CDH18: variants seen among roughly 807,000 people sequenced by gnomAD.
CDH18 encodes cadherin 18, also known as cadherin-18.
A neutral mutation model predicts 67.9 loss-of-function variants in CDH18; 31 were observed. The ratio of observed to expected loss-of-function variants is 0.46; its 90% CI spans 0.34 to 0.62. The LOEUF (loss-of-function observed/expected upper bound fraction) is 0.62. CDH18 is among the 20% of genes least tolerant of loss of function. The pLI is 0.01. For missense variants in CDH18, 890 were observed against 975.5 expected (o/e 0.91, Z 1.17); for synonymous variants, 362 against 347.2 (o/e 1.04, Z -0.48).
In CDH18 at chr5:19,670,562, C is replaced by T. The variant is rs181775750; in HGVS notation, c.643+50785G>A. Among the ~76,000 whole-genome samples the T allele has an allele frequency of 6.4e-4, 98 of 152,114 alleles. No homozygotes were observed. In the Middle Eastern group the frequency reaches 0.014, roughly 21 times the overall value. On this transcript the variant is annotated intron_variant, in intron 5 of 12. Coordinates refer to ENST00000382275, the MANE Select transcript of CDH18 (RefSeq NM_004934.5). The stretch of plus-strand genomic sequence containing the variant: ...TGTTTAAGTAGCTGTATAACATGAT[C>T]GATTTATATTAAAAAGCTCATTCTA...
chr5:19,584,193 A>C (rs1743723890), intron 7 of CDH18, among the ~76,000 whole-genome samples: 1 of 152,144 alleles, frequency 6.6e-6, no homozygotes, highest in African/African-American at 2.4e-5. Context: ...CTTTCCACCC[A>C]GCCAGGCTTC....
chr5:20,306,262 C>G (rs571199721), intron 1 of CDH18, among the ~76,000 whole-genome samples: 15 of 152,140 alleles, frequency 9.9e-5, no homozygotes, highest in African/African-American at 3.1e-4. Flanking sequence ...TTATGTTCAT[C>G]TTCTATGAGA....
chr5:19,485,641 G>C (rs534051656), intron 11 of CDH18, among the ~76,000 whole-genome samples: 12 of 152,270 alleles, frequency 7.9e-5, no homozygotes, highest in Admixed American at 5.9e-4. Context: ...TATCAGTCAT[G>C]TTTACTCTCC....
chr5:19,719,903 G>GAGAAAGAAAGAACGAAAGAA (rs1765810506), intron 5 of CDH18, among the ~76,000 whole-genome samples: 1 of 130,872 alleles, frequency 7.6e-6, no homozygotes, highest in African/African-American at 3.0e-5. Context: ...AGTTAAGCAA[G>GAGAAAGAAAGAACGAAAGAA]AGAAAGAAAG....
At position 20,431,540 on chromosome 5, in the gene CDH18, C is replaced by A. The variant is rs550934268; in HGVS notation, c.-580+143922G>T. Among the ~76,000 whole-genome samples, 29 of 144,966 alleles carry A rather than the reference C, an allele frequency of 2.0e-4. No homozygotes were observed. The South Asian group carries it at 6.3e-3, about 32-fold the overall frequency. On this transcript the variant is annotated intron_variant, in intron 1 of 14. Transcript: ENST00000507958. ...AAAGAAGAATAGAAAAAGAAAAGAACCTCAGTCAATCACAAAGAGCCAACC... is the reference window on the plus strand; with the variant it reads ...AAAGAAGAATAGAAAAAGAAAAGAAACTCAGTCAATCACAAAGAGCCAACC...
chr5:20,047,584 C>G (rs1741020837), intron 2 of CDH18, among the ~76,000 whole-genome samples: 1 of 151,780 alleles, frequency 6.6e-6, no homozygotes, highest in African/African-American at 2.4e-5. Flanking sequence ...CTATAACACT[C>G]AAATGAGCAA....
At chr5:20,512,939 G>A (rs1304525999) in intron 1 of CDH18, among the ~76,000 whole-genome samples, 1 of 151,168 alleles carries the variant, frequency 6.6e-6, no homozygotes, top group Non-Finnish European at 1.5e-5. Flanking sequence ...AAGGAGACTT[G>A]GCCTAGATGG....
chr5:20,193,270 CA>C (rs989163504), intron 2 of CDH18, among the ~76,000 whole-genome samples: 16 of 152,144 alleles, frequency 1.1e-4, no homozygotes, highest in African/African-American at 3.4e-4. Context: ...ACTGAATCCA[CA>C]GAAATACAAA....
intron 5 of CDH18, among the ~76,000 whole-genome samples, chr5:19,690,431 A>C (rs1761709580): frequency 1.3e-5 from 2 of 151,624 alleles, no homozygotes; most frequent in South Asian, 4.1e-4. Context: ...ACTTAATATA[A>C]GGATAGAAAT....
At chr5:20,305,500 C>A in intron 1 of CDH18, 2 of 1,121,154 alleles carry the variant, frequency 1.8e-6, no homozygotes, top group South Asian at 1.2e-5. Context: ...TCTTGGGTGC[C>A]GCGAAACCCG....
chr5:19,482,297 C>T (rs1347231804), intron 12 of CDH18, among the ~76,000 whole-genome samples: 2 of 151,872 alleles, frequency 1.3e-5, no homozygotes, highest in East Asian at 1.9e-4. Flanking sequence ...TTTGTATTTT[C>T]AGTAGAAACG....
intron 11 of CDH18, among the ~76,000 whole-genome samples, chr5:19,488,505 C>T (rs750696218): frequency 5.9e-5 from 9 of 152,116 alleles, no homozygotes; most frequent in Admixed American, 2.6e-4. Context: ...CTAGGAAATA[C>T]GGCTCAACTT....
Position 19,876,777 on chromosome 5 carries a change from G to A in CDH18, c.-256-37535C>T, listed in dbSNP as rs190045952. On this transcript the variant is annotated intron_variant, in intron 2 of 12. Coordinates refer to ENST00000382275, the MANE Select transcript of CDH18 (RefSeq NM_004934.5). ...TGACCAGAAGGGAAAACTCAGGTAGGGACTGGTTCATTGTTTGCTCAACCA... is the reference window on the plus strand; with the variant it reads ...TGACCAGAAGGGAAAACTCAGGTAGAGACTGGTTCATTGTTTGCTCAACCA... Among the ~76,000 whole-genome samples the A allele has an allele frequency of 1.8e-3, 277 of 152,168 alleles. 1 individual carries two copies. Among genetic ancestry groups the A allele is most frequent in the African/African-American group, 6.4e-3 (265 of 41,520 alleles).
intron 1 of CDH18, among the ~76,000 whole-genome samples, chr5:20,368,708 G>A: frequency 6.6e-6 from 1 of 152,114 alleles, no homozygotes; most frequent in Admixed American, 6.5e-5. Flanking sequence ...AAAAAGCAAA[G>A]CATGAGCATG....
At chr5:20,224,913 T>G (rs1462460443) in intron 2 of CDH18, among the ~76,000 whole-genome samples, 1 of 152,124 alleles carries the variant, frequency 6.6e-6, no homozygotes, top group African/African-American at 2.4e-5. Context: ...ATACTCTTTC[T>G]CTTTCCCTCT....
intron 3 of CDH18, among the ~76,000 whole-genome samples, chr5:19,815,502 TTC>T (rs1331099334): frequency 5.3e-5 from 8 of 152,094 alleles, no homozygotes; most frequent in African/African-American, 1.7e-4. Context: ...ACATGATTTA[TTC>T]TCTCTTTAAC....
intron 2 of CDH18, among the ~76,000 whole-genome samples, chr5:19,928,664 A>G (rs1793356075): frequency 1.3e-5 from 2 of 152,140 alleles, no homozygotes; most frequent in Admixed American, 1.3e-4. Context: ...GAGTAGCAAA[A>G]GAGATCAGAA....
chr5:20,141,597 T>C (rs1274740255), intron 2 of CDH18, among the ~76,000 whole-genome samples: 1 of 152,140 alleles, frequency 6.6e-6, no homozygotes, highest in East Asian at 1.9e-4. Context: ...TTTGAGGTCA[T>C]CATGTGACAG....
At chr5:20,047,785 G>A (rs891062088) in intron 2 of CDH18, among the ~76,000 whole-genome samples, 9 of 151,112 alleles carry the variant, frequency 6.0e-5, no homozygotes, top group African/African-American at 9.7e-5. Flanking sequence ...CTTCTAATTG[G>A]ATTTAAACTG....
Sources: gnomAD v4.1 joint callset for allele counts (sites outside exome capture counted in the v4.1 genomes callset) on GRCh38, gnomAD v4.1.1 for gene constraint, MANE v1.5 for transcripts, NCBI Gene and HGNC (gene_info 2026-07-23, HGNC 2026-07-21) for gene names.